Variants in LIPM observed in about 807,000 individuals in gnomAD.
LIPM encodes the protein lipase member M.
A neutral mutation model predicts 42.4 loss-of-function variants in LIPM; 42 were observed. The observed-to-expected ratio is 0.99, with a 90% CI of 0.77 to 1.28. The LOEUF (loss-of-function observed/expected upper bound fraction) is 1.28, where lower values mean the gene tolerates loss of function less well. LIPM is among the 50% of genes most tolerant of loss of function. LIPM has a pLI of 0.00. For synonymous variants in LIPM, 177 were observed against 173.3 expected, an observed-to-expected ratio of 1.02 and a Z score of -0.17; for missense variants, 524 against 520.1, an observed-to-expected ratio of 1.01 and a Z score of -0.07.
intron 7 of LIPM, 29 bp from the exon 8 acceptor site, chr10:88,817,796 A>G: frequency 6.6e-7 from 1 of 1,521,102 alleles, no homozygotes; most frequent in African/African-American, 1.4e-5. Context: ...AGACGTTGGA[A>G]TTCCTTGTAA....
chr10:88,814,671 C>G (rs1215943758), intron 4 of LIPM, 32 bp downstream of exon 4: 9 of 1,483,072 alleles, frequency 6.1e-6, no homozygotes, highest in Non-Finnish European at 8.3e-6. Context: ...TTTGTATACT[C>G]GGAAGAAATG....
rs2133057311 is a variant in LIPM, at chr10:88,813,289, C to T, written c.458C>T (p.Ala153Val). ...TLSIDQDEFWAFSYDEMARFD... is the reference protein window; with the variant it reads ...TLSIDQDEFWVFSYDEMARFD... ...TCCATAGACCAAGATGAGTTCTGGG[C>T]TTTCAGGTATATGATAATCTCGAGA... Residue 153 changes from alanine (A) to valine (V), a missense_variant, in exon 3 of 9, where the codon GCT becomes GTT. Physicochemically the swap from Ala to Val is moderately conservative, Grantham distance 64. Transcript: ENST00000404743. 1 of 1,594,838 alleles carries T rather than the reference C, an allele frequency of 6.3e-7. No homozygotes were observed. The highest frequency in any genetic ancestry group is 1.1e-5 in the South Asian group (1 of 89,150).
intron 2 of LIPM, among the ~76,000 whole-genome samples, chr10:88,809,875 G>T (rs1029209316): frequency 9.8e-4 from 149 of 151,940 alleles, no homozygotes; most frequent in Non-Finnish European, 1.1e-3. Context: ...TCTCCCTCTG[G>T]ACCACTGTTT....
chr10:88,814,703 C>G lies in LIPM; in HGVS notation c.574+64C>G, dbSNP rs1321005314. The G allele has an allele frequency of 3.2e-6, 4 of 1,239,970 alleles. No homozygotes were observed. The African/African-American group carries it at 6.0e-5, about 19-fold the overall frequency. The allele number at this position is 1,239,970 out of a possible 1,614,324, so 76.8% of individuals were successfully genotyped here. Reference sequence around the variant, plus strand: ...AATGTGAGCATACGACACTAGCTATCCCTGAAATCTGTCACCTTGTGCTTC... The same window carrying G: ...AATGTGAGCATACGACACTAGCTATGCCTGAAATCTGTCACCTTGTGCTTC... On this transcript the variant is annotated intron_variant, in intron 4 of 8. Coordinates refer to ENST00000404743, the MANE Select transcript of LIPM (RefSeq NM_001128215.1).
Position 88,808,356 on chromosome 10 carries a change from A to G in LIPM, c.206A>G (p.Asp69Gly), listed in dbSNP as rs747467441. Residue 69 changes from aspartate to glycine, a missense_variant, in exon 2 of 9, where the codon GAT (aspartate) becomes GGT (glycine). Coordinates refer to ENST00000404743, the MANE Select transcript of LIPM (RefSeq NM_001128215.1). ...PCEEYEVATE[D>G]GYILSVNRIP... Reference sequence around the variant, plus strand: ...GAGGAATATGAAGTCGCAACTGAAGATGGGTATATCCTTTCTGTTAACAGG... The same window carrying G: ...GAGGAATATGAAGTCGCAACTGAAGGTGGGTATATCCTTTCTGTTAACAGG... 3.2e-6 allele frequency: 5 copies of G among 1,551,650 alleles called. No homozygotes were observed. Among genetic ancestry groups the G allele is most frequent in the Non-Finnish European group, 4.4e-6 (5 of 1,146,876 alleles).
intron 2 of LIPM, 116 bp from the exon 3 acceptor site, chr10:88,812,981 A>G: frequency 1.2e-6 from 1 of 836,364 alleles, no homozygotes; most frequent in South Asian, 1.7e-5. Flanking sequence ...TAAGCTAGCA[A>G]GCAGCTGAAT....
At chr10:88,815,806 C>A (rs548653802) in intron 6 of LIPM, among the ~76,000 whole-genome samples, 1 of 152,322 alleles carries the variant, frequency 6.6e-6, no homozygotes, top group Admixed American at 6.5e-5. Context: ...ACAGAGACAA[C>A]TGTCATGCAT....
At chr10:88,815,563 C>T (rs1175646757) in intron 6 of LIPM, 60 bp downstream of exon 6, 12 of 1,479,566 alleles carry the variant, frequency 8.1e-6, no homozygotes, top group East Asian at 2.5e-5. Context: ...TCATATGGCT[C>T]ACCCCTGGAG....
Position 88,820,368 on chromosome 10 carries a change from A to C in LIPM, c.1139A>C (p.Asn380Thr). The change falls in exon 9 of 9, where the codon AAT becomes ACT. Residue 380 changes from asparagine (N) to threonine (T), a missense_variant. Transcript: ENST00000404743. ...SEVTNLIYHKNIPEWAHVDFI... is the reference protein window; with the variant it reads ...SEVTNLIYHKTIPEWAHVDFI... ...GTGACCAACCTCATCTACCATAAGAATATTCCTGAATGGGCTCACGTGGAT... is the reference window on the plus strand; with the variant it reads ...GTGACCAACCTCATCTACCATAAGACTATTCCTGAATGGGCTCACGTGGAT... The C allele has an allele frequency of 1.3e-6, 2 of 1,552,324 alleles. No individual in the cohort carries two copies. Among genetic ancestry groups the C allele is most frequent in the Non-Finnish European group, 1.7e-6 (2 of 1,147,140 alleles).
chr10:88,815,105 A>G lies in LIPM; in HGVS notation c.592A>G (p.Thr198Ala), dbSNP rs755215464. ...GTTMGFIAFS[T>A]MPELAQKIKM... Reference sequence around the variant, plus strand: ...TTTTGCAGGCTTTATTGCATTTTCCACCATGCCAGAGCTGGCTCAGAAAAT... The same window carrying G: ...TTTTGCAGGCTTTATTGCATTTTCCGCCATGCCAGAGCTGGCTCAGAAAAT... The change falls in exon 5 of 9, where the codon ACC (threonine) becomes GCC (alanine). Residue 198 changes from threonine to alanine, a missense_variant. By Grantham distance (58) the Thr-to-Ala change is moderately conservative. Coordinates refer to ENST00000404743, the MANE Select transcript of LIPM (RefSeq NM_001128215.1). 1.3e-5 allele frequency: 20 copies of G among 1,545,896 alleles called. 1 individual carries two copies. The South Asian group carries it at 2.1e-4, about 16-fold the overall frequency.
At chr10:88,805,521 C>T (rs1843575381) in intron 1 of LIPM, among the ~76,000 whole-genome samples, 1 of 152,142 alleles carries the variant, frequency 6.6e-6, no homozygotes. Flanking sequence ...CAAAAGAAGG[C>T]AATAGTCACC....
In LIPM at chr10:88,802,884, C is replaced by G; in HGVS notation, c.-13C>G. ...TTACATTGGCAGGAAAAAATAAATG[C>G]AGATGTTGGACCATGTTGGAAACCT... On this transcript the variant is annotated 5_prime_UTR_variant, in exon 1 of 9. Transcript: ENST00000404743. The G allele has an allele frequency of 6.6e-7, 1 of 1,525,646 alleles. No individual in the cohort carries two copies. Among genetic ancestry groups the G allele is most frequent in the Non-Finnish European group, 8.8e-7 (1 of 1,137,564 alleles). 94.5% of individuals were successfully genotyped at this position (1,525,646 alleles called of 1,614,324 possible).
In LIPM at chr10:88,813,183, T is replaced by A. The variant is rs1273566421; in HGVS notation, c.352T>A (p.Phe118Ile). Residue 118 changes from phenylalanine to isoleucine, a missense_variant, in exon 3 of 9, where the codon TTC becomes ATC. Physicochemically the swap from Phe to Ile is conservative, Grantham distance 21 (BLOSUM62 0). Transcript: ENST00000404743. ...ISNLPNNSLG[F>I]ILADAGFDVW... is the part of the protein sequence containing the mutation. Reference sequence around the variant, plus strand: ...CAACCTGCCCAACAATAGCCTGGGCTTCATTCTGGCAGATGCTGGTTTTGA... The same window carrying A: ...CAACCTGCCCAACAATAGCCTGGGCATCATTCTGGCAGATGCTGGTTTTGA... 1.2e-6 allele frequency: 2 copies of A among 1,613,612 alleles called. No homozygotes were observed. Among genetic ancestry groups the A allele is most frequent in the Non-Finnish European group, 1.7e-6 (2 of 1,179,830 alleles).
chr10:88,803,158 A>G, intron 1 of LIPM, 115 bp downstream of exon 1: 1 of 1,160,794 alleles, frequency 8.6e-7, no homozygotes, highest in South Asian at 1.6e-5. Context: ...AGAAGAGCAT[A>G]GTGATGAAGT....
intron 1 of LIPM, among the ~76,000 whole-genome samples, chr10:88,804,861 A>G (rs1027573733): frequency 2.0e-5 from 3 of 152,176 alleles, no homozygotes; most frequent in Non-Finnish European, 2.9e-5. Context: ...AGCACTGCCT[A>G]TGAATTAGCT....
intron 2 of LIPM, among the ~76,000 whole-genome samples, chr10:88,809,430 T>C (rs907449894): frequency 3.3e-5 from 5 of 152,234 alleles, no homozygotes; most frequent in African/African-American, 1.2e-4. Flanking sequence ...AGTAGGTTTA[T>C]AGTAGCAACT....
chr10:88,814,537 G>A lies in LIPM; in HGVS notation c.472G>A (p.Glu158Lys). ...QDEFWAFSYD[E>K]MARFDLPAVI... The stretch of plus-strand genomic sequence containing the variant: ...TGTCTTTTCCCCTTGTAGTTATGAT[G>A]AGATGGCTAGGTTTGACCTTCCTGC... Residue 158 changes from glutamate (E) to lysine (K), a missense_variant, in exon 4 of 9, where the codon GAG becomes AAG. Transcript: ENST00000404743. 2 of 1,549,410 alleles carry A rather than the reference G, an allele frequency of 1.3e-6. No homozygotes were observed. The highest frequency in any genetic ancestry group is 2.0e-5 in the Admixed American group (1 of 50,980).
At chr10:88,806,370 A>C (rs1204610498) in intron 1 of LIPM, among the ~76,000 whole-genome samples, 1 of 152,082 alleles carries the variant, frequency 6.6e-6, no homozygotes, top group African/African-American at 2.4e-5. Flanking sequence ...CCTGCTCAGA[A>C]TTCCTTTGCT....
At chr10:88,816,601 G>A (rs550374705) in intron 6 of LIPM, among the ~76,000 whole-genome samples, 1 of 152,130 alleles carries the variant, frequency 6.6e-6, no homozygotes, top group Non-Finnish European at 1.5e-5. Flanking sequence ...GATCTCTGAT[G>A]AGAACCTATT....
Sources: allele counts gnomAD v4.1 joint callset (sites outside exome capture counted in the v4.1 genomes callset), GRCh38; gene constraint gnomAD v4.1.1; transcripts MANE v1.5; gene names NCBI Gene and HGNC (gene_info 2026-07-23, HGNC 2026-07-21).